GGA2: variants seen among roughly 807,000 people sequenced by gnomAD.
GGA2 encodes the protein ADP-ribosylation factor-binding protein GGA2.
A neutral mutation model predicts 79.5 loss-of-function variants in GGA2; 48 were observed. The observed-to-expected ratio is 0.60, with a 90% CI of 0.48 to 0.77. The LOEUF is 0.77. Ranked by LOEUF, GGA2 falls within the 30% of genes least tolerant of loss-of-function variation. The probability of loss-of-function intolerance (pLI) is 0.00; values close to 1 mark genes in which losing one functional copy is unlikely to be tolerated. For missense variants in GGA2, 770 were observed against 774.0 expected, an observed-to-expected ratio of 0.99 and a Z score of 0.06; for synonymous variants, 317 against 302.0, an observed-to-expected ratio of 1.05 and a Z score of -0.51.
rs57255054 is a variant in GGA2, at chr16:23,467,387, A to AACAC, written c.*199_*202dup. Reference sequence around the variant, plus strand: ...GCCCTGTGCTACCACCCTCTCCCCGAACACACACACACACACACACACACA... The same window carrying AACAC: ...GCCCTGTGCTACCACCCTCTCCCCGAACACACACACACACACACACACACACACA... On this transcript the variant is annotated 3_prime_UTR_variant, in exon 17 of 17. Coordinates refer to ENST00000309859, the MANE Select transcript of GGA2 (RefSeq NM_015044.4). The AACAC allele has an allele frequency of 0.043, 13,997 of 326,282 alleles. 308 individuals are homozygous for AACAC. The highest frequency in any genetic ancestry group is 0.071 in the African/African-American group (2,477 of 35,026). The allele number at this position is 326,282 out of a possible 1,614,324, so 20.2% of individuals were successfully genotyped here. A position where few individuals can be genotyped will look rare whatever the true frequency, so the allele number is the denominator to read the frequency against.
chr16:23,470,533 C>T (rs756662511), intron 14 of GGA2, among the ~76,000 whole-genome samples: 2 of 152,052 alleles, frequency 1.3e-5, no homozygotes, highest in African/African-American at 4.8e-5. Flanking sequence ...GAGGCCAAGG[C>T]GGGTGGATCA....
rs1179466262 is a variant in GGA2 at position 23,486,021 on chromosome 16, G to A, written c.792C>T (p.Ala264=). The A allele has an allele frequency of 1.2e-6, 2 of 1,613,802 alleles. No homozygotes were observed. Among genetic ancestry groups the A allele is most frequent in the Admixed American group, 1.7e-5 (1 of 59,948 alleles). The change falls in exon 8 of 17, where the codon GCC becomes GCT. Residue 264 remains alanine (A), a synonymous_variant. Transcript: ENST00000309859. ...RPGQAPPDQE[A]LQVVYERCEK... Reference sequence around the variant, plus strand: ...TGTGTTACACCTGTATTACCTGCAGGGCCTCCTGGTCGGGCGGGGCCTGCC... The same window carrying A: ...TGTGTTACACCTGTATTACCTGCAGAGCCTCCTGGTCGGGCGGGGCCTGCC...
chr16:23,487,517 G>C (rs2142127792), intron 6 of GGA2, among the ~76,000 whole-genome samples: 1 of 152,250 alleles, frequency 6.6e-6, no homozygotes, highest in Non-Finnish European at 1.5e-5. Context: ...TGTGCTTTAT[G>C]ACACAACAGA....
intron 13 of GGA2, among the ~76,000 whole-genome samples, chr16:23,476,752 C>T (rs958727013): frequency 3.9e-5 from 6 of 152,160 alleles, no homozygotes; most frequent in African/African-American, 1.2e-4. Context: ...GCACTTTGCA[C>T]TTTGTTGTAT....
intron 2 of GGA2, among the ~76,000 whole-genome samples, chr16:23,494,585 C>T (rs1964832015): frequency 6.6e-6 from 1 of 152,176 alleles, no homozygotes; most frequent in Admixed American, 6.5e-5. Context: ...CCAAGGTCCT[C>T]CTCCTGCCCA....
intron 2 of GGA2, 34 bp from the exon 3 acceptor site, chr16:23,494,412 G>T: frequency 1.4e-6 from 2 of 1,440,418 alleles, no homozygotes; most frequent in Non-Finnish European, 2.0e-6. Flanking sequence ...GACTCTGGGC[G>T]GGCAAAAAGA....
At chr16:23,494,455 A>G in intron 2 of GGA2, 77 bp from the exon 3 acceptor site, 2 of 951,552 alleles carry the variant, frequency 2.1e-6, no homozygotes, top group East Asian at 2.4e-5. Context: ...TGCTCAGTAA[A>G]ATCACTTTTC....
intron 10 of GGA2, chr16:23,480,153 G>A: frequency 4.6e-6 from 2 of 435,656 alleles, no homozygotes; most frequent in African/African-American, 2.0e-5. Context: ...AGCAGATTCG[G>A]CCTTCTCCAG....
rs1964434903 is a variant in GGA2 at position 23,466,166 on chromosome 16, A to C, written c.*1424T>G. 6.6e-6 allele frequency: 1 copy of C among 152,160 alleles called. No individual in the cohort carries two copies. The highest frequency in any genetic ancestry group is 6.6e-5 in the Admixed American group (1 of 15,260). The allele number at this position is 152,160 out of a possible 1,614,324, so 9.4% of individuals were successfully genotyped here. A position where few individuals can be genotyped will look rare whatever the true frequency, so the allele number is the denominator to read the frequency against. The stretch of plus-strand genomic sequence containing the variant: ...AGAAGTCAAAAGATCAGACTGTAAA[A>C]ATATCAGATATTGTAATTAAGAGCT... On this transcript the variant is annotated 3_prime_UTR_variant, in exon 17 of 17. Transcript: ENST00000309859.
rs57255054 is a variant in GGA2, at chr16:23,467,387, AACACAC to A, written c.*197_*202del. The A allele has an allele frequency of 0.036, 11,601 of 325,064 alleles. 28 individuals carry two copies. The highest frequency in any genetic ancestry group is 0.077 in the South Asian group (1,691 of 22,058). 20.1% of individuals were successfully genotyped at this position (325,064 alleles called of 1,614,324 possible). ...GCCCTGTGCTACCACCCTCTCCCCG[AACACAC>A]ACACACACACACACACACACACACA... On this transcript the variant is annotated 3_prime_UTR_variant, in exon 17 of 17. Transcript: ENST00000309859.
intron 16 of GGA2, among the ~76,000 whole-genome samples, chr16:23,468,184 T>G (rs1473000049): frequency 6.6e-6 from 1 of 152,118 alleles, no homozygotes; most frequent in Non-Finnish European, 1.5e-5. Context: ...TGTCTGTCTA[T>G]CTATCTATCT....
rs1486917347 is a variant in GGA2 at position 23,491,797 on chromosome 16, G to C, written c.355C>G (p.Leu119Val). 2 of 1,607,044 alleles carry C rather than the reference G, an allele frequency of 1.2e-6. No individual in the cohort carries two copies. Among genetic ancestry groups the C allele is most frequent in the African/African-American group, 2.7e-5 (2 of 74,758 alleles). Residue 119 changes from leucine (L) to valine (V), a missense_variant, in exon 5 of 17, where the codon CTG becomes GTG. Physicochemically the swap from Leu to Val is conservative, Grantham distance 32. Transcript: ENST00000309859. ...ACTTTTCCTGTGGCCCAGGACCCCA[G>C]GTACTGAAAGTAAAAAGGAAAGAGA... is the stretch of plus-strand genomic sequence containing the variant. ...ELIKVLSPKY[L>V]GSWATGKVKG...
At chr16:23,470,199 C>A (rs1964492818) in intron 14 of GGA2, 34 bp from the exon 15 acceptor site, 1 of 1,509,296 alleles carries the variant, frequency 6.6e-7, no homozygotes, top group Non-Finnish European at 8.9e-7. Context: ...AGGTTTAACA[C>A]CACTACAAAC....
Position 23,501,102 on chromosome 16 carries a change from C to T in GGA2, c.92-5324G>A, listed in dbSNP as rs1418901379. 1.8e-5 allele frequency: 7 copies of T among 382,956 alleles called. No homozygotes were observed. The Admixed American group carries it at 2.0e-4, about 11-fold the overall frequency. 23.7% of individuals were successfully genotyped at this position (382,956 alleles called of 1,614,324 possible). A position where few individuals can be genotyped will look rare whatever the true frequency, so the allele number is the denominator to read the frequency against. On this transcript the variant is annotated intron_variant, in intron 1 of 16. Coordinates refer to ENST00000309859, the MANE Select transcript of GGA2 (RefSeq NM_015044.4). ...GGCTATTTTTGACAAGCCAATACAC[C>T]CACTTTCACAAGAGAAGGTTCCAGG...
chr16:23,472,384 G>A (rs1964522530), intron 14 of GGA2, among the ~76,000 whole-genome samples: 1 of 151,426 alleles, frequency 6.6e-6, no homozygotes, highest in South Asian at 2.1e-4. Flanking sequence ...TTTTAGTAGA[G>A]ACAGGGTTTC....
At position 23,465,349 on chromosome 16, in the gene GGA2, G is replaced by A. The variant is rs1284760573; in HGVS notation, c.*2241C>T. The A allele has an allele frequency of 1.4e-6, 1 of 702,884 alleles. No homozygotes were observed. Among genetic ancestry groups the A allele is most frequent in the African/African-American group, 1.7e-5 (1 of 57,388 alleles). The allele number at this position is 702,884 out of a possible 1,614,324, so 43.5% of individuals were successfully genotyped here. A position where few individuals can be genotyped will look rare whatever the true frequency, so the allele number is the denominator to read the frequency against. ...GCTCTAAGTGGCCACTGGACTTGCTGATTAGAAGGGAGTGATGCCATAAAC... is the reference window on the plus strand; with the variant it reads ...GCTCTAAGTGGCCACTGGACTTGCTAATTAGAAGGGAGTGATGCCATAAAC... On this transcript the variant is annotated 3_prime_UTR_variant, in exon 17 of 17. Transcript: ENST00000309859.
intron 1 of GGA2, among the ~76,000 whole-genome samples, chr16:23,504,005 C>T (rs774262456): frequency 4.0e-5 from 6 of 151,564 alleles, no homozygotes; most frequent in African/African-American, 7.3e-5. Flanking sequence ...TGCTTGAACC[C>T]GGGAGACGGA....
At chr16:23,517,579 T>A (rs1166857004) in intron 2 of GGA2, among the ~76,000 whole-genome samples, 3 of 151,972 alleles carry the variant, frequency 2.0e-5, no homozygotes, top group Admixed American at 2.0e-4. Context: ...GGATCTCACA[T>A]CTGCCTGGTT....
At chr16:23,501,567 C>T (rs927891497) in intron 1 of GGA2, 1 of 324,658 alleles carries the variant, frequency 3.1e-6, no homozygotes, top group Non-Finnish European at 6.1e-6. Flanking sequence ...GAGGCTGTGT[C>T]ATGGCCGTGT....
Sources: allele counts gnomAD v4.1 joint callset (sites outside exome capture counted in the v4.1 genomes callset), GRCh38; gene constraint gnomAD v4.1.1; transcripts MANE v1.5; gene names NCBI Gene and HGNC (gene_info 2026-07-23, HGNC 2026-07-21).